ADAMTS15: variants seen among roughly 807,000 people sequenced by gnomAD.
ADAMTS15 encodes the protein A disintegrin and metalloproteinase with thrombospondin motifs 15.
Under a neutral mutation model 79.1 loss-of-function variants are expected in ADAMTS15, and 35 were observed. The observed-to-expected ratio is 0.44, with a 90% CI of 0.34 to 0.59. The LOEUF (loss-of-function observed/expected upper bound fraction) is 0.59, where lower values mean the gene tolerates loss of function less well. Ranked by LOEUF, ADAMTS15 falls within the 20% of genes least tolerant of loss-of-function variation. The probability of loss-of-function intolerance (pLI) is 0.02; values close to 1 mark genes in which losing one functional copy is unlikely to be tolerated. For missense variants in ADAMTS15, 1,324 were observed against 1,318.7 expected, an observed-to-expected ratio of 1.00 and a Z score of -0.06; for synonymous variants, 616 against 567.3, an observed-to-expected ratio of 1.09 and a Z score of -1.22.
intron 1 of ADAMTS15, 101 bp from the exon 2 acceptor site, chr11:130,461,388 A>G: frequency 6.5e-7 from 1 of 1,534,324 alleles, no homozygotes. Flanking sequence ...TTGGAATGAG[A>G]TGAGCTGGAA....
intron 4 of ADAMTS15, among the ~76,000 whole-genome samples, chr11:130,464,211 A>T (rs1041699368): frequency 6.6e-6 from 1 of 152,164 alleles, no homozygotes; most frequent in African/African-American, 2.4e-5. Flanking sequence ...AGGCTGGAGG[A>T]TGCAGAGACA....
rs1938570739 is a variant in ADAMTS15, at chr11:130,475,725, C to T, written c.*1904C>T. ...CTGAAGAACTAAGTGAACAGGAACCCCTCTGTGCCAGTGACCACTGTGGGG... is the reference window on the plus strand; with the variant it reads ...CTGAAGAACTAAGTGAACAGGAACCTCTCTGTGCCAGTGACCACTGTGGGG... On this transcript the variant is annotated 3_prime_UTR_variant, in exon 8 of 8. Coordinates refer to ENST00000299164, the MANE Select transcript of ADAMTS15 (RefSeq NM_139055.4). 2 of 152,326 alleles carry T rather than the reference C, an allele frequency of 1.3e-5. No individual in the cohort carries two copies. The highest frequency in any genetic ancestry group is 6.5e-5 in the Admixed American group (1 of 15,278). The allele number at this position is 152,326 out of a possible 1,614,324, so 9.4% of individuals were successfully genotyped here.
chr11:130,463,207 A>G (rs1938237795), intron 4 of ADAMTS15, among the ~76,000 whole-genome samples: 1 of 152,218 alleles, frequency 6.6e-6, no homozygotes, highest in South Asian at 2.1e-4. Flanking sequence ...GCTGGGGACC[A>G]TGCTCAGGAA....
chr11:130,461,983 C>A, intron 2 of ADAMTS15, 104 bp from the exon 3 acceptor site: 1 of 1,345,154 alleles, frequency 7.4e-7, no homozygotes, highest in Non-Finnish European at 1.0e-6. Flanking sequence ...AATGACCAGC[C>A]TGAAAACCTC....
At position 130,448,712 on chromosome 11, in the gene ADAMTS15, T is replaced by G. The variant is rs529073502; in HGVS notation, c.-262T>G. ...TCCGCTAGTTCTCGGCTGCAAATCT[T>G]CGTCCTTGCACTTGACAGCGATTGT... On this transcript the variant is annotated 5_prime_UTR_variant, in exon 1 of 8. Transcript: ENST00000299164. 6.6e-5 allele frequency among the ~76,000 whole-genome samples: 10 copies of G among 152,392 alleles called. No individual in the cohort carries two copies. Among genetic ancestry groups the G allele is most frequent in the African/African-American group, 2.4e-4 (10 of 41,598 alleles).
intron 4 of ADAMTS15, among the ~76,000 whole-genome samples, chr11:130,468,025 C>T (rs1427176816): frequency 1.3e-5 from 2 of 152,168 alleles, no homozygotes; most frequent in African/African-American, 2.4e-5. Flanking sequence ...CATTTTTTAT[C>T]CGCAGGGCTG....
chr11:130,468,434 C>T (rs1445041418), intron 4 of ADAMTS15, among the ~76,000 whole-genome samples: 2 of 151,378 alleles, frequency 1.3e-5, no homozygotes, highest in African/African-American at 4.9e-5. Flanking sequence ...AGTTTGAGAC[C>T]AGCCTGGCCA....
intron 5 of ADAMTS15, among the ~76,000 whole-genome samples, 175 bp downstream of exon 5, chr11:130,469,614 AG>A (rs1369719971): frequency 6.6e-6 from 1 of 152,250 alleles, no homozygotes; most frequent in Non-Finnish European, 1.5e-5. Context: ...GACTGCAGTC[AG>A]GATTCCAACC....
intron 2 of ADAMTS15, 83 bp downstream of exon 2, chr11:130,461,704 T>C: frequency 6.4e-7 from 1 of 1,572,946 alleles, no homozygotes; most frequent in Non-Finnish European, 8.6e-7. Flanking sequence ...CTTTGCCCCC[T>C]TGTGTTCTGA....
chr11:130,459,219 G>A (rs57120781), intron 1 of ADAMTS15, among the ~76,000 whole-genome samples: 1 of 152,016 alleles, frequency 6.6e-6, no homozygotes. Flanking sequence ...AATTAGCTGA[G>A]CATGGTGGCA....
chr11:130,462,889 C>T lies in ADAMTS15; in HGVS notation c.1542+109C>T. On this transcript the variant is annotated intron_variant, in intron 4 of 7. Coordinates refer to ENST00000299164, the MANE Select transcript of ADAMTS15 (RefSeq NM_139055.4). This position sits in a 1 kb window ranked among gnomAD's most constrained non-coding sequence, Gnocchi z 4.3. ...CAGGAAGGTGCCTATCACAGACTGG[C>T]CACGGGACCAGCACTGTTGCATGGC... 1.4e-6 allele frequency: 2 copies of T among 1,431,016 alleles called. No individual in the cohort carries two copies. Among genetic ancestry groups the T allele is most frequent in the South Asian group, 2.8e-5 (2 of 71,334 alleles). The allele number at this position is 1,431,016 out of a possible 1,614,324, so 88.6% of individuals were successfully genotyped here.
intron 1 of ADAMTS15, among the ~76,000 whole-genome samples, chr11:130,459,431 G>A (rs556091457): frequency 6.6e-6 from 1 of 152,314 alleles, no homozygotes; most frequent in South Asian, 2.1e-4. Flanking sequence ...CTCCCAAAGT[G>A]CTGGGATTAC....
rs1418368066 is a variant in ADAMTS15, at chr11:130,459,048, T to G, written c.958-2441T>G. On this transcript the variant is annotated intron_variant, in intron 1 of 7. Transcript: ENST00000299164. ...GTGTTTTTTTTTTTTTTTTTTTTTT[T>G]TTTGAGACAGAGTCTTGCTCTGTCA... Among the ~76,000 whole-genome samples, 7 of 146,312 alleles carry G rather than the reference T, an allele frequency of 4.8e-5. No homozygotes were observed. The South Asian group carries it at 1.6e-3, about 33-fold the overall frequency.
At chr11:130,465,030 G>T (rs561912212) in intron 4 of ADAMTS15, among the ~76,000 whole-genome samples, 1 of 151,688 alleles carries the variant, frequency 6.6e-6, no homozygotes, top group Non-Finnish European at 1.5e-5. Context: ...AAATTTAGGT[G>T]GGCCCATAAT....
Position 130,461,605 on chromosome 11 carries a change from C to G in ADAMTS15, c.1074C>G (p.Thr358=). The change falls in exon 2 of 8, where the codon ACC becomes ACG. Residue 358 remains threonine (T), a synonymous_variant. Coordinates refer to ENST00000299164, the MANE Select transcript of ADAMTS15 (RefSeq NM_139055.4). ...IEDDGLPSAF[T]TAHELGHVFN... ...ACGATGGGCTTCCATCAGCCTTCAC[C>G]ACTGCCCACGAGCTGGGTAAGGCTG... 1 of 1,614,144 alleles carries G rather than the reference C, an allele frequency of 6.2e-7. No homozygotes were observed. Among genetic ancestry groups the G allele is most frequent in the Non-Finnish European group, 8.5e-7 (1 of 1,180,032 alleles).
intron 1 of ADAMTS15, 98 bp downstream of exon 1, chr11:130,450,028 C>T: frequency 6.6e-7 from 1 of 1,522,078 alleles, no homozygotes; most frequent in Non-Finnish European, 8.8e-7. Context: ...GCAATGCCTC[C>T]GAGTTTAAAC....
In ADAMTS15 at chr11:130,449,050, T is replaced by G; in HGVS notation, c.77T>G (p.Val26Gly). Residue 26 changes from valine to glycine, a missense_variant, in exon 1 of 8, where the codon GTC (valine) becomes GGC (glycine). Coordinates refer to ENST00000299164, the MANE Select transcript of ADAMTS15 (RefSeq NM_139055.4). This position sits in a 1 kb window ranked among gnomAD's most constrained non-coding sequence, Gnocchi z 7.8. ...GGCTCTGAGCCAGAGCGGGAGGTAG[T>G]CGTTCCCATCCGACTGGACCCGGAC... The part of the protein sequence containing the change: ...AGGSEPEREV[V>G]VPIRLDPDIN... 1.3e-6 allele frequency: 2 copies of G among 1,545,834 alleles called. No homozygotes were observed. The highest frequency in any genetic ancestry group is 1.7e-6 in the Non-Finnish European group (2 of 1,143,410).
At position 130,472,233 on chromosome 11, in the gene ADAMTS15, G is replaced by A. The variant is rs1333521762; in HGVS notation, c.2079-814G>A. 6.6e-6 allele frequency among the ~76,000 whole-genome samples: 1 copy of A among 152,206 alleles called. No individual in the cohort carries two copies. The highest frequency in any genetic ancestry group is 2.4e-5 in the African/African-American group (1 of 41,450). ...ATGGAAAGGCCTAGATGGCTGTCCT[G>A]GAGCCTTGACTGTGCCCCTGGACAC... On this transcript the variant is annotated intron_variant, in intron 7 of 7. Transcript: ENST00000299164. This position sits in a 1 kb window ranked among gnomAD's most constrained non-coding sequence, Gnocchi z 4.7.
intron 4 of ADAMTS15, among the ~76,000 whole-genome samples, chr11:130,467,355 G>A (rs1268733299): frequency 1.3e-5 from 2 of 152,132 alleles, no homozygotes; most frequent in African/African-American, 2.4e-5. Flanking sequence ...CGTGGGTGAC[G>A]CTGTCAGGGA....
Sources: allele counts gnomAD v4.1 joint callset (sites outside exome capture counted in the v4.1 genomes callset), GRCh38; gene constraint gnomAD v4.1.1; non-coding constraint Gnocchi (gnomAD v3.1); transcripts MANE v1.5; gene names NCBI Gene and HGNC (gene_info 2026-07-23, HGNC 2026-07-21).